FBXO11: variants seen among roughly 807,000 people sequenced by gnomAD.
FBXO11 encodes the protein F-box only protein 11.
Under a neutral mutation model 117.0 loss-of-function variants are expected in FBXO11, and 13 were observed. The observed-to-expected ratio is 0.11, with a 90% confidence interval of 0.07 to 0.18. The LOEUF (loss-of-function observed/expected upper bound fraction) is 0.18. FBXO11 is among the 10% of genes least tolerant of loss of function. The pLI is 1.00. For missense variants in FBXO11, 767 were observed against 1,164.4 expected (o/e 0.66, Z 4.97); for synonymous variants, 490 against 380.5 (o/e 1.29, Z -3.35).
intron 1 of FBXO11, chr2:47,888,670 TAGAC>T (rs1006419424): frequency 2.5e-4 from 242 of 983,770 alleles, no homozygotes; most frequent in Middle Eastern, 5.3e-4. Context: ...AATTTCCTGT[TAGAC>T]AGTTTTTCAG....
At chr2:47,862,715 T>C (rs1192212880) in intron 1 of FBXO11, among the ~76,000 whole-genome samples, 2 of 152,140 alleles carry the variant, frequency 1.3e-5, no homozygotes, top group African/African-American at 4.8e-5. Flanking sequence ...GTATAATAAC[T>C]ATAACAAATC....
chr2:47,860,656 C>T (rs939916166), intron 1 of FBXO11, among the ~76,000 whole-genome samples: 1 of 151,734 alleles, frequency 6.6e-6, no homozygotes, highest in South Asian at 2.1e-4. Flanking sequence ...ATCCACCTGC[C>T]TCGGCCTCCC....
At chr2:47,821,807 A>C (rs1393388680) in intron 13 of FBXO11, among the ~76,000 whole-genome samples, 1 of 151,944 alleles carries the variant, frequency 6.6e-6, no homozygotes, top group Non-Finnish European at 1.5e-5. Context: ...AACAAAAATT[A>C]AAGGGCAGCG....
chr2:47,808,086 C>A lies in FBXO11; in HGVS notation c.*32G>T. The A allele has an allele frequency of 6.4e-7, 1 of 1,571,980 alleles. No individual in the cohort carries two copies. The highest frequency in any genetic ancestry group is 8.7e-7 in the Non-Finnish European group (1 of 1,155,264). On this transcript the variant is annotated 3_prime_UTR_variant, in exon 23 of 23. Transcript: ENST00000403359. ...AAAAGTGTTTTAAGTTATGATGTTA[C>A]AATGGCAGGACTTTTTCTTTAGGGA... is the stretch of plus-strand genomic sequence containing the variant.
chr2:47,860,320 G>T (rs562213194), intron 1 of FBXO11, among the ~76,000 whole-genome samples: 2 of 152,122 alleles, frequency 1.3e-5, no homozygotes, highest in South Asian at 4.1e-4. Flanking sequence ...TGAGAAATTG[G>T]CTATATTTCA....
intron 16 of FBXO11, among the ~76,000 whole-genome samples, chr2:47,815,691 G>C (rs1049448260): frequency 3.3e-5 from 5 of 152,206 alleles, no homozygotes; most frequent in African/African-American, 1.2e-4. Context: ...CCAAGTGTTA[G>C]AAGAACCTCT....
intron 13 of FBXO11, among the ~76,000 whole-genome samples, chr2:47,820,873 T>G (rs1346062679): frequency 6.6e-6 from 1 of 152,202 alleles, no homozygotes; most frequent in East Asian, 1.9e-4. Context: ...TAGTAAAGCT[T>G]TATGTAAGTA....
At chr2:47,847,994 G>A (rs748674356) in intron 1 of FBXO11, among the ~76,000 whole-genome samples, 3 of 151,124 alleles carry the variant, frequency 2.0e-5, no homozygotes, top group Admixed American at 6.6e-5. Flanking sequence ...CGTGGTGACG[G>A]GTGCTTGTAG....
chr2:47,882,714 C>T (rs898992231), intron 1 of FBXO11, among the ~76,000 whole-genome samples: 1 of 152,236 alleles, frequency 6.6e-6, no homozygotes, highest in South Asian at 2.1e-4. Flanking sequence ...TGCAGTGGGG[C>T]AATTTTGGCT....
intron 1 of FBXO11, among the ~76,000 whole-genome samples, chr2:47,897,512 C>T (rs1035965520): frequency 3.9e-5 from 6 of 151,996 alleles, no homozygotes; most frequent in Non-Finnish European, 7.4e-5. Context: ...GCTTGGCCAA[C>T]GTGGGGAAAC....
At chr2:47,850,798 T>C (rs1673801620) in intron 1 of FBXO11, among the ~76,000 whole-genome samples, 1 of 152,222 alleles carries the variant, frequency 6.6e-6, no homozygotes, top group South Asian at 2.1e-4. Flanking sequence ...TCACGTTCTG[T>C]TCTCCCAAGA....
chr2:47,824,124 A>T (rs912019103), intron 11 of FBXO11, among the ~76,000 whole-genome samples: 1 of 152,244 alleles, frequency 6.6e-6, no homozygotes, highest in African/African-American at 2.4e-5. Context: ...GAATACCATT[A>T]ACTAGTAAGC....
chr2:47,883,602 C>A, intron 1 of FBXO11: 1 of 316,178 alleles, frequency 3.2e-6, no homozygotes, highest in Non-Finnish European at 6.4e-6. Context: ...TGGCAAGCAA[C>A]TGGAAGATGA....
intron 1 of FBXO11, among the ~76,000 whole-genome samples, chr2:47,873,793 CAT>C (rs1244289259): frequency 6.6e-6 from 1 of 152,136 alleles, no homozygotes; most frequent in South Asian, 2.1e-4. Context: ...GTTACTGTAA[CAT>C]GATTTCAATT....
chr2:47,869,927 C>A (rs1323404744), intron 1 of FBXO11, among the ~76,000 whole-genome samples: 1 of 152,172 alleles, frequency 6.6e-6, no homozygotes, highest in Non-Finnish European at 1.5e-5. Context: ...TCCACCCACC[C>A]TGGCCTCCCA....
At chr2:47,830,862 A>G (rs1387620355) in intron 11 of FBXO11, among the ~76,000 whole-genome samples, 1 of 152,064 alleles carries the variant, frequency 6.6e-6, no homozygotes, top group East Asian at 1.9e-4. Flanking sequence ...CACACATCTT[A>G]CATCTTGGCT....
intron 11 of FBXO11, among the ~76,000 whole-genome samples, chr2:47,828,485 G>A (rs1671929804): frequency 6.6e-6 from 1 of 151,968 alleles, no homozygotes; most frequent in East Asian, 1.9e-4. Flanking sequence ...GCAGGCATCT[G>A]TACTCCCACC....
chr2:47,830,325 T>G (rs1045675917), intron 11 of FBXO11, among the ~76,000 whole-genome samples: 1 of 152,054 alleles, frequency 6.6e-6, no homozygotes, highest in Admixed American at 6.5e-5. Flanking sequence ...AGGCAATGGA[T>G]AGGGATTCTC....
At chr2:47,857,842 T>G (rs1274166049) in intron 1 of FBXO11, among the ~76,000 whole-genome samples, 2 of 152,128 alleles carry the variant, frequency 1.3e-5, no homozygotes, top group African/African-American at 4.8e-5. Context: ...CCATCAAAAT[T>G]ACAAGACAGC....
Sources: gnomAD v4.1 joint callset for allele counts (sites outside exome capture counted in the v4.1 genomes callset) on GRCh38, gnomAD v4.1.1 for gene constraint, MANE v1.5 for transcripts, NCBI Gene and HGNC (gene_info 2026-07-23, HGNC 2026-07-21) for gene names.